The following ACP7 variants were observed in gnomAD, a reference collection of about 807,000 sequenced individuals.
ACP7 encodes acid phosphatase 7, tartrate resistant (putative).
ACP7 carries 58 observed loss-of-function variants against 60.6 expected under a neutral mutation model. The ratio of observed to expected loss-of-function variants is 0.96; its 90% CI spans 0.77 to 1.19. ACP7 has a LOEUF of 1.19. ACP7 is among the 50% of genes most tolerant of loss of function. The probability of loss-of-function intolerance (pLI) is 0.00; values close to 1 mark genes in which losing one functional copy is unlikely to be tolerated. For missense variants in ACP7, 574 were observed against 596.2 expected, an observed-to-expected ratio of 0.96 and a Z score of 0.39; for synonymous variants, 237 against 232.6, an observed-to-expected ratio of 1.02 and a Z score of -0.17.
chr19:39,109,907 G>T, intron 12 of ACP7, 146 bp from the exon 13 acceptor site: 2 of 725,032 alleles, frequency 2.8e-6, no homozygotes, highest in South Asian at 3.5e-5. Flanking sequence ...TTCAGATGAG[G>T]AAAACTGAGG....
chr19:39,101,598 T>C (rs1458250428), intron 11 of ACP7, 61 bp downstream of exon 11: 2 of 1,540,596 alleles, frequency 1.3e-6, no homozygotes, highest in African/African-American at 1.4e-5. Context: ...GAGGGCTAAC[T>C]TTGTTCCAGA....
rs1477911757 is a variant in ACP7 at position 39,101,460 on chromosome 19, C to T, written c.1042-6C>T. Reference sequence around the variant, plus strand: ...GCCTGCCACCCAACGTTGTTCCCTTCCCCAGGTATTTAACGGCAGCCGAGA... The same window carrying T: ...GCCTGCCACCCAACGTTGTTCCCTTTCCCAGGTATTTAACGGCAGCCGAGA... On this transcript the variant is annotated splice_polypyrimidine_tract_variant and splice_region_variant and intron_variant, in intron 10 of 12. Transcript: ENST00000331256. The T allele has an allele frequency of 1.9e-6, 3 of 1,614,162 alleles. No individual in the cohort carries two copies. The highest frequency in any genetic ancestry group is 1.7e-6 in the Non-Finnish European group (2 of 1,180,010).
chr19:39,088,693 G>A (rs190058466), intron 2 of ACP7, among the ~76,000 whole-genome samples: 7 of 152,154 alleles, frequency 4.6e-5, no homozygotes, highest in African/African-American at 1.4e-4. Context: ...TCTGAATGCC[G>A]GCAGGCTAGC....
intron 11 of ACP7, among the ~76,000 whole-genome samples, chr19:39,106,475 C>A (rs2145040482): frequency 1.3e-5 from 2 of 152,268 alleles, no homozygotes; most frequent in Middle Eastern, 6.8e-3. Context: ...GCAAGGGAAG[C>A]CTGCCTGGGA....
At chr19:39,094,373 C>T (rs375688552) in intron 2 of ACP7, among the ~76,000 whole-genome samples, 102 of 151,900 alleles carry the variant, frequency 6.7e-4, no homozygotes, top group African/African-American at 2.0e-3. Context: ...CATGGTGGCA[C>T]GCACCTGTAA....
intron 2 of ACP7, among the ~76,000 whole-genome samples, chr19:39,090,812 T>A (rs1013284494): frequency 1.3e-5 from 2 of 149,272 alleles, no homozygotes; most frequent in Non-Finnish European, 3.0e-5. Context: ...TTTTTTGGTC[T>A]ATTGTTCCTA....
chr19:39,099,091 C>A lies in ACP7; in HGVS notation c.454C>A (p.Arg152=). Residue 152 remains arginine, a synonymous_variant, in exon 4 of 13, where the codon CGG becomes AGG. Coordinates refer to ENST00000331256, the MANE Select transcript of ACP7 (RefSeq NM_001004318.3). ...LGADNPKAVP[R]LRRDTQQGMY... is the part of the protein sequence containing the mutation. The stretch of plus-strand genomic sequence containing the variant: ...GGCTGACAACCCGAAGGCCGTCCCC[C>A]GGCTGCGCAGGGACACCCAGCAGGG... 6.2e-7 allele frequency: 1 copy of A among 1,601,256 alleles called. No homozygotes were observed. The highest frequency in any genetic ancestry group is 8.5e-7 in the Non-Finnish European group (1 of 1,174,784).
chr19:39,098,146 G>C (rs566510113), intron 2 of ACP7, among the ~76,000 whole-genome samples: 17 of 151,482 alleles, frequency 1.1e-4, no homozygotes, highest in African/African-American at 3.6e-4. Context: ...AGCTACTCGG[G>C]AGGCTGAGGC....
chr19:39,102,765 T>TTCTTTCTTTCTTTCTTTCTTTCTTTC (rs1316628357), intron 11 of ACP7, among the ~76,000 whole-genome samples: 4 of 107,336 alleles, frequency 3.7e-5, no homozygotes, highest in African/African-American at 1.2e-4. Context: ...CTTTCTTTCT[T>TTCTTTCTTTCTTTCTTTCTTTCTTTC]TCTCTCTCTC....
intron 1 of ACP7, among the ~76,000 whole-genome samples, chr19:39,084,884 C>T (rs936174299): frequency 6.6e-6 from 1 of 152,040 alleles, no homozygotes; most frequent in African/African-American, 2.4e-5. Context: ...TGGCTCCATC[C>T]CATCCTAGCT....
intron 2 of ACP7, among the ~76,000 whole-genome samples, chr19:39,089,463 C>T (rs1289441819): frequency 2.0e-5 from 3 of 152,150 alleles, no homozygotes; most frequent in Non-Finnish European, 4.4e-5. Flanking sequence ...TCAGTTTCCC[C>T]TGATGTTAAC....
chr19:39,098,571 G>A lies in ACP7; in HGVS notation c.235G>A (p.Val79Ile), dbSNP rs375945219. ...PLPLRAQGTFVPFVDGGILRR... is the reference protein window; with the variant it reads ...PLPLRAQGTFIPFVDGGILRR... The stretch of plus-strand genomic sequence containing the variant: ...GCCCCTCCGCGCCCAGGGCACCTTC[G>A]TCCCCTTTGTGGACGGGGGCATTCT... The change falls in exon 3 of 13, where the codon GTC (valine) becomes ATC (isoleucine). Residue 79 changes from valine to isoleucine, a missense_variant. Physicochemically the swap from Val to Ile is conservative, Grantham distance 29. Coordinates refer to ENST00000331256, the MANE Select transcript of ACP7 (RefSeq NM_001004318.3). 2.8e-5 allele frequency: 45 copies of A among 1,613,412 alleles called. No homozygotes were observed. In the East Asian group the frequency reaches 4.7e-4, roughly 17 times the overall value.
At chr19:39,086,414 G>C (rs1447978393) in intron 2 of ACP7, among the ~76,000 whole-genome samples, 1 of 152,114 alleles carries the variant, frequency 6.6e-6, no homozygotes, top group Non-Finnish European at 1.5e-5. Flanking sequence ...TGGATCACTT[G>C]ACCTCAGGGG....
intron 11 of ACP7, among the ~76,000 whole-genome samples, chr19:39,102,406 T>C (rs2073357670): frequency 6.6e-6 from 1 of 151,626 alleles, no homozygotes; most frequent in Non-Finnish European, 1.5e-5. Flanking sequence ...AGACGGAGTC[T>C]TGCTCTGTTG....
At chr19:39,103,441 G>GTT (rs58293250) in intron 11 of ACP7, among the ~76,000 whole-genome samples, 2,729 of 64,704 alleles carry the variant, frequency 0.042, 343 homozygotes, top group African/African-American at 0.14. Context: ...ATCATCATGT[G>GTT]TTTTTTTTTT....
chr19:39,110,376 C>A lies in ACP7; in HGVS notation c.*258C>A. 3.8e-6 allele frequency: 2 copies of A among 519,534 alleles called. No homozygotes were observed. The highest frequency in any genetic ancestry group is 2.4e-5 in the South Asian group (1 of 41,584). 32.2% of individuals were successfully genotyped at this position (519,534 alleles called of 1,614,324 possible). On this transcript the variant is annotated 3_prime_UTR_variant, in exon 13 of 13. Coordinates refer to ENST00000331256, the MANE Select transcript of ACP7 (RefSeq NM_001004318.3). ...ACGGCAGGTTTCTGCTGGCAGGGCC[C>A]CACCCTCCTGCATAGCTCTGATCGG...
intron 12 of ACP7, among the ~76,000 whole-genome samples, chr19:39,108,924 A>C (rs2073439773): frequency 6.6e-6 from 1 of 151,790 alleles, no homozygotes; most frequent in Admixed American, 6.6e-5. Flanking sequence ...AGGTTCAAGC[A>C]ATTCTCCTGC....
chr19:39,085,442 C>T, intron 2 of ACP7, 52 bp downstream of exon 2: 1 of 1,540,736 alleles, frequency 6.5e-7, no homozygotes, highest in Non-Finnish European at 8.7e-7. Flanking sequence ...CCCAGCGGTG[C>T]TTCGTTGTTT....
intron 2 of ACP7, among the ~76,000 whole-genome samples, chr19:39,093,172 C>CTTTCTTTCTTTCTTTCTT: frequency 1.2e-5 from 1 of 80,866 alleles, no homozygotes. Flanking sequence ...CTTTCTTTCT[C>CTTTCTTTCTTTCTTTCTT]TCCTTCCTTC....
Sources: gnomAD v4.1 joint callset for allele counts (sites outside exome capture counted in the v4.1 genomes callset) on GRCh38, gnomAD v4.1.1 for gene constraint, MANE v1.5 for transcripts, NCBI Gene and HGNC (gene_info 2026-07-23, HGNC 2026-07-21) for gene names.